Variants in DAB2IP observed in about 807,000 individuals in gnomAD.
The protein encoded by DAB2IP is DAB2 interacting protein.
A neutral mutation model predicts 107.2 loss-of-function variants in DAB2IP; 28 were observed. The ratio of observed to expected loss-of-function variants is 0.26; its 90% CI spans 0.19 to 0.36. The LOEUF (loss-of-function observed/expected upper bound fraction) is 0.36, where lower values mean the gene tolerates loss of function less well. Among genes scored for constraint, DAB2IP ranks in the 10% least tolerant of loss-of-function variants. The probability of loss-of-function intolerance (pLI) is 1.00; values close to 1 mark genes in which losing one functional copy is unlikely to be tolerated. For missense variants in DAB2IP, 1,400 were observed against 1,644.7 expected, an observed-to-expected ratio of 0.85 and a Z score of 2.57; for synonymous variants, 755 against 706.4, an observed-to-expected ratio of 1.07 and a Z score of -1.09.
chr9:121,693,269 G>A (rs543430457), intron 2 of DAB2IP, among the ~76,000 whole-genome samples: 5 of 152,228 alleles, frequency 3.3e-5, no homozygotes, highest in African/African-American at 1.2e-4. Flanking sequence ...GCCCTCTGTG[G>A]GCCCTCCTGA....
intron 3 of DAB2IP, among the ~76,000 whole-genome samples, chr9:121,756,626 A>C (rs1038990536): frequency 6.6e-6 from 1 of 152,190 alleles, no homozygotes; most frequent in Non-Finnish European, 1.5e-5. Context: ...AGTGCAAAAG[A>C]GAGGGGAAAT....
chr9:121,650,313 G>A (rs960000833), upstream of DAB2IP, among the ~76,000 whole-genome samples: 3 of 152,192 alleles, frequency 2.0e-5, no homozygotes, highest in African/African-American at 7.2e-5. Flanking sequence ...GAAGGCGCCT[G>A]GCTTCCAGCT....
At chr9:121,667,486 C>G (rs1833492674) in intron 1 of DAB2IP, among the ~76,000 whole-genome samples, 1 of 152,010 alleles carries the variant, frequency 6.6e-6, no homozygotes, top group South Asian at 2.1e-4. Context: ...TCCACTTTTT[C>G]TTTCTTTCTT....
chr9:121,637,612 C>G (rs1451242612), intron 1 of DAB2IP, among the ~76,000 whole-genome samples: 1 of 152,130 alleles, frequency 6.6e-6, no homozygotes, highest in Non-Finnish European at 1.5e-5. Flanking sequence ...CCCAGTTAGC[C>G]CCTGAGTAGG....
intron 1 of DAB2IP, among the ~76,000 whole-genome samples, chr9:121,622,006 T>TTTTTTTTTTTTG (rs1831490404): frequency 7.2e-6 from 1 of 139,536 alleles, no homozygotes; most frequent in Admixed American, 7.2e-5. Flanking sequence ...TTTTTTTTTT[T>TTTTTTTTTTTTG]GAGATGGAGT....
chr9:121,671,625 A>G (rs988393560), intron 1 of DAB2IP, among the ~76,000 whole-genome samples: 3 of 152,170 alleles, frequency 2.0e-5, no homozygotes, highest in Non-Finnish European at 4.4e-5. Flanking sequence ...TGCTGTGAAC[A>G]TTCTTGTAAA....
rs1004158552 is a variant in DAB2IP, at chr9:121,699,568, G to A, written c.362+110G>A. The A allele has an allele frequency of 1.2e-5, 12 of 1,020,548 alleles. No individual in the cohort carries two copies. The South Asian group carries it at 4.6e-4, about 39-fold the overall frequency. 63.2% of individuals were successfully genotyped at this position (1,020,548 alleles called of 1,614,324 possible). A position where few individuals can be genotyped will look rare whatever the true frequency, so the allele number is the denominator to read the frequency against. The stretch of plus-strand genomic sequence containing the variant: ...CCCGGGGCGAGCCACACGGCGGTGG[G>A]GGGACCCCACGCCGCCCGCCGGGAA... On this transcript the variant is annotated intron_variant, in intron 3 of 15. Coordinates refer to ENST00000408936, the Ensembl canonical transcript of DAB2IP. This position sits in a 1 kb window ranked among gnomAD's most constrained non-coding sequence, Gnocchi z 6.2.
In DAB2IP at chr9:121,736,997, CT is replaced by C; in HGVS notation, c.363-20014del. ...TAGCTAGAGAGATCAGGGAAGGCCTCTTCCTGGGACGGGACTTTGGGTCTGA... is the reference window on the plus strand; with the variant it reads ...TAGCTAGAGAGATCAGGGAAGGCCTCTCCTGGGACGGGACTTTGGGTCTGA... On this transcript the variant is annotated intron_variant, in intron 3 of 15. Transcript: ENST00000408936. This position sits in a 1 kb window ranked among gnomAD's most constrained non-coding sequence, Gnocchi z 4.6. Among the ~76,000 whole-genome samples the C allele has an allele frequency of 6.6e-6, 1 of 152,342 alleles. No homozygotes were observed. Among genetic ancestry groups the C allele is most frequent in the South Asian group, 2.1e-4 (1 of 4,826 alleles).
Position 121,599,974 on chromosome 9 carries a change from C to A in DAB2IP, c.40+32746C>A, listed in dbSNP as rs1423621829. ...AAGGAAATCTGCGCGATGCATTGAGCCTTTAAACTTTCCTGTGCGCCCTGC... is the reference window on the plus strand; with the variant it reads ...AAGGAAATCTGCGCGATGCATTGAGACTTTAAACTTTCCTGTGCGCCCTGC... On this transcript the variant is annotated intron_variant, in intron 1 of 16. Transcript: ENST00000259371. This position sits in a 1 kb window ranked among gnomAD's most constrained non-coding sequence, Gnocchi z 6.9. 6.6e-6 allele frequency among the ~76,000 whole-genome samples: 1 copy of A among 152,150 alleles called. No individual in the cohort carries two copies. Among genetic ancestry groups the A allele is most frequent in the Non-Finnish European group, 1.5e-5 (1 of 68,014 alleles).
intron 1 of DAB2IP, chr9:121,574,754 C>G (rs907199432): frequency 6.6e-6 from 1 of 152,214 alleles, no homozygotes; most frequent in African/African-American, 2.4e-5. Context: ...GGCCCCCAAT[C>G]CAGGGCCCTT....
At position 121,677,961 on chromosome 9, in the gene DAB2IP, C is replaced by A. The variant is rs149459622; in HGVS notation, c.125-717C>A. Among the ~76,000 whole-genome samples the A allele has an allele frequency of 1.8e-4, 27 of 152,196 alleles. 1 individual carries two copies. The East Asian group carries it at 5.0e-3, about 28-fold the overall frequency. Reference sequence around the variant, plus strand: ...ACAGGTGTGAGCCACTGTGCCAGGCCTTTTTCCCCCCTTTTTAAAAAATTG... The same window carrying A: ...ACAGGTGTGAGCCACTGTGCCAGGCATTTTTCCCCCCTTTTTAAAAAATTG... On this transcript the variant is annotated intron_variant, in intron 1 of 15. Coordinates refer to ENST00000408936, the Ensembl canonical transcript of DAB2IP.
intron 1 of DAB2IP, among the ~76,000 whole-genome samples, chr9:121,671,081 G>C (rs1156763950): frequency 6.6e-6 from 1 of 152,178 alleles, no homozygotes; most frequent in African/African-American, 2.4e-5. Context: ...AACCTGGGAG[G>C]TGGTGATTGC....
At chr9:121,615,553 A>G (rs942067518) in intron 1 of DAB2IP, among the ~76,000 whole-genome samples, 2 of 152,108 alleles carry the variant, frequency 1.3e-5, no homozygotes, top group Non-Finnish European at 2.9e-5. Context: ...CAGGTCCTTT[A>G]TAATGAGTGT....
At chr9:121,674,293 C>T (rs1250853395) in intron 1 of DAB2IP, among the ~76,000 whole-genome samples, 1 of 152,196 alleles carries the variant, frequency 6.6e-6, no homozygotes, top group African/African-American at 2.4e-5. Context: ...AAAGTCTATA[C>T]AGGCCAGTGC....
At position 121,782,941 on chromosome 9, in the gene DAB2IP, C is replaced by T. The variant is rs374279042; in HGVS notation, c.*443C>T. ...CTTCCCCTCGCCTCCTTGGGGGGCCCGGGACTCCCTGGCAGCCAGGCCCTG... is the reference window on the plus strand; with the variant it reads ...CTTCCCCTCGCCTCCTTGGGGGGCCTGGGACTCCCTGGCAGCCAGGCCCTG... On this transcript the variant is annotated 3_prime_UTR_variant, in exon 16 of 16. Coordinates refer to ENST00000408936, the Ensembl canonical transcript of DAB2IP. The surrounding 1 kb of genome is among the most constrained non-coding windows in gnomAD (Gnocchi z 6.1). 7.9e-6 allele frequency: 8 copies of T among 1,018,340 alleles called. No individual in the cohort carries two copies. The highest frequency in any genetic ancestry group is 4.1e-5 in the South Asian group (1 of 24,130). The allele number at this position is 1,018,340 out of a possible 1,614,324, so 63.1% of individuals were successfully genotyped here. A position where few individuals can be genotyped will look rare whatever the true frequency, so the allele number is the denominator to read the frequency against.
chr9:121,609,133 C>CG (rs1275649059), intron 1 of DAB2IP, among the ~76,000 whole-genome samples: 1 of 152,062 alleles, frequency 6.6e-6, no homozygotes, highest in East Asian at 1.9e-4. Flanking sequence ...TTAGTAGAGA[C>CG]GGGGTTTTGC....
At chr9:121,774,945 G>T (rs1055329330) in intron 13 of DAB2IP, among the ~76,000 whole-genome samples, 17 of 152,176 alleles carry the variant, frequency 1.1e-4, no homozygotes, top group Admixed American at 3.9e-4. Flanking sequence ...TACCAGCTTG[G>T]GGGGTGGGGT....
chr9:121,676,662 C>T lies in DAB2IP; in HGVS notation c.125-2016C>T, dbSNP rs904757271. On this transcript the variant is annotated intron_variant, in intron 1 of 15. Transcript: ENST00000408936. ...ACACACACACACACACTCACACACA[C>T]ACGCACACACACTGCAAATGAGAGC... 5.3e-5 allele frequency among the ~76,000 whole-genome samples: 8 copies of T among 152,070 alleles called. 1 individual carries two copies. Among genetic ancestry groups the T allele is most frequent in the Admixed American group, 6.5e-5 (1 of 15,286 alleles).
At chr9:121,640,521 T>A (rs958135002) in intron 1 of DAB2IP, among the ~76,000 whole-genome samples, 1 of 152,134 alleles carries the variant, frequency 6.6e-6, no homozygotes, top group Non-Finnish European at 1.5e-5. Flanking sequence ...TCCCTAGGAC[T>A]GTCAGTGGGA....
Sources: gnomAD v4.1 joint callset for allele counts (sites outside exome capture counted in the v4.1 genomes callset) on GRCh38, gnomAD v4.1.1 for gene constraint, Gnocchi (gnomAD v3.1) non-coding constraint, MANE v1.5 for transcripts, NCBI Gene and HGNC (gene_info 2026-07-23, HGNC 2026-07-21) for gene names.